Variants in CDK14 observed in about 807,000 individuals in gnomAD.
CDK14 encodes cyclin-dependent kinase 14.
Under a neutral mutation model 60.7 loss-of-function variants are expected in CDK14, and 34 were observed. The ratio of observed to expected loss-of-function variants is 0.56; its 90% confidence interval spans 0.43 to 0.75. The LOEUF (loss-of-function observed/expected upper bound fraction) is 0.75, where lower values mean the gene tolerates loss of function less well. Ranked by LOEUF, CDK14 falls within the 30% of genes least tolerant of loss-of-function variation. The pLI is 0.00. For missense variants in CDK14, 482 were observed against 564.1 expected, an observed-to-expected ratio of 0.85 and a Z score of 1.47; for synonymous variants, 197 against 203.7, an observed-to-expected ratio of 0.97 and a Z score of 0.28.
At chr7:90,686,702 A>G (rs1411903774) in intron 2 of CDK14, among the ~76,000 whole-genome samples, 1 of 152,184 alleles carries the variant, frequency 6.6e-6, no homozygotes, top group Non-Finnish European at 1.5e-5. Flanking sequence ...AAGATGAAAT[A>G]GGAGTATTTC....
At chr7:91,113,717 T>C (rs557481007) in intron 13 of CDK14, among the ~76,000 whole-genome samples, 2 of 152,180 alleles carry the variant, frequency 1.3e-5, no homozygotes, top group Non-Finnish European at 2.9e-5. Flanking sequence ...TAGACTTCTT[T>C]CATCCATCAT....
intron 14 of CDK14, among the ~76,000 whole-genome samples, chr7:91,154,797 G>T (rs1800935823): frequency 6.6e-6 from 1 of 152,178 alleles, no homozygotes; most frequent in African/African-American, 2.4e-5. Context: ...GAAATGATGA[G>T]AGCCTGGGTC....
chr7:91,187,611 G>A (rs1297665491), intron 14 of CDK14, among the ~76,000 whole-genome samples: 7 of 152,144 alleles, frequency 4.6e-5, no homozygotes, highest in South Asian at 2.1e-4. Flanking sequence ...AGACACACAC[G>A]AGGAGTGAGT....
chr7:90,898,516 C>T (rs1792405009), intron 6 of CDK14, among the ~76,000 whole-genome samples: 1 of 151,962 alleles, frequency 6.6e-6, no homozygotes, highest in South Asian at 2.1e-4. Context: ...TTAAATGTTT[C>T]AGTTTTATAA....
chr7:90,646,300 CTTTT>C (rs56994508), intron 2 of CDK14, among the ~76,000 whole-genome samples: 1 of 143,250 alleles, frequency 7.0e-6, no homozygotes, highest in Non-Finnish European at 1.5e-5. Context: ...GTATGAAGGA[CTTTT>C]TTTTTTTTTT....
intron 9 of CDK14, among the ~76,000 whole-genome samples, chr7:90,970,717 G>A (rs1170322400): frequency 6.6e-6 from 1 of 152,200 alleles, no homozygotes; most frequent in African/African-American, 2.4e-5. Flanking sequence ...ACAGTGGAGC[G>A]AAAGGTTTCC....
intron 6 of CDK14, among the ~76,000 whole-genome samples, chr7:90,876,154 G>T (rs1791553510): frequency 6.6e-6 from 1 of 152,130 alleles, no homozygotes; most frequent in African/African-American, 2.4e-5. Flanking sequence ...GAATTTCACT[G>T]TAGGTACTGA....
At chr7:91,077,647 C>T (rs891014325) in intron 11 of CDK14, among the ~76,000 whole-genome samples, 2 of 150,366 alleles carry the variant, frequency 1.3e-5, no homozygotes, top group Admixed American at 6.6e-5. Context: ...TATCCTGGAA[C>T]GTAAAGTAAA....
In CDK14 at chr7:90,676,346, G is replaced by C. The variant is rs548216649; in HGVS notation, c.124-50221G>C. ...TGGAAAATGGCCGGAAGGCTGTGAG[G>C]GAGCTGTAAGGGTGTCAAGGGAAGA... On this transcript the variant is annotated intron_variant, in intron 2 of 14. Transcript: ENST00000380050. 3.9e-5 allele frequency among the ~76,000 whole-genome samples: 6 copies of C among 152,190 alleles called. No individual in the cohort carries two copies. The East Asian group carries it at 1.2e-3, about 29-fold the overall frequency.
intron 1 of CDK14, among the ~76,000 whole-genome samples, chr7:90,598,704 A>ATGTTTTTTTTTTT (rs1799247345): frequency 1.1e-5 from 1 of 87,890 alleles, no homozygotes; most frequent in Non-Finnish European, 2.3e-5. Context: ...TTATCTAAGG[A>ATGTTTTTTTTTTT]TTTTTTTTTT....
chr7:90,894,033 C>A (rs1488148012), intron 6 of CDK14, among the ~76,000 whole-genome samples: 2 of 152,144 alleles, frequency 1.3e-5, no homozygotes, highest in Admixed American at 1.3e-4. Context: ...TGTATCATTC[C>A]TGTTTTTATT....
At chr7:90,908,325 C>T (rs560117101) in intron 7 of CDK14, among the ~76,000 whole-genome samples, 54 of 152,166 alleles carry the variant, frequency 3.5e-4, no homozygotes, top group African/African-American at 1.1e-3. Context: ...CAGGATCATC[C>T]GCTGATTTGT....
intron 10 of CDK14, among the ~76,000 whole-genome samples, chr7:90,987,647 A>G (rs536955228): frequency 4.3e-4 from 66 of 152,208 alleles, no homozygotes; most frequent in African/African-American, 1.5e-3. Context: ...TTATCACACA[A>G]GTAGACTCTC....
At chr7:90,897,318 G>A (rs923541409) in intron 6 of CDK14, among the ~76,000 whole-genome samples, 6 of 151,982 alleles carry the variant, frequency 3.9e-5, no homozygotes, top group Non-Finnish European at 7.4e-5. Context: ...TTGGGAAGCA[G>A]TATGAATTTG....
chr7:90,752,774 A>C (rs749767329), intron 4 of CDK14, among the ~76,000 whole-genome samples: 1 of 152,180 alleles, frequency 6.6e-6, no homozygotes, highest in African/African-American at 2.4e-5. Context: ...GGAAGAGAGA[A>C]GATCCAAGTT....
intron 3 of CDK14, among the ~76,000 whole-genome samples, chr7:90,731,451 A>G (rs981157819): frequency 6.6e-6 from 1 of 152,134 alleles, no homozygotes; most frequent in Non-Finnish European, 1.5e-5. Context: ...CATTTTCATG[A>G]TATTGATTCT....
chr7:91,083,351 G>A (rs1023034099), intron 12 of CDK14, among the ~76,000 whole-genome samples: 3 of 152,132 alleles, frequency 2.0e-5, no homozygotes, highest in Non-Finnish European at 2.9e-5. Flanking sequence ...CCACTGCCCA[G>A]CTCTATGGAT....
At chr7:90,886,225 C>A (rs1029659973) in intron 6 of CDK14, among the ~76,000 whole-genome samples, 1 of 152,088 alleles carries the variant, frequency 6.6e-6, no homozygotes, top group Non-Finnish European at 1.5e-5. Flanking sequence ...AAGGGTTGAG[C>A]ACAAGTATGT....
At chr7:91,102,335 TCAC>T (rs1799169038) in intron 12 of CDK14, among the ~76,000 whole-genome samples, 2 of 152,236 alleles carry the variant, frequency 1.3e-5, no homozygotes, top group African/African-American at 4.8e-5. Flanking sequence ...TAGTATCCCG[TCAC>T]CATATAAAAT....
Sources: gnomAD v4.1 joint callset for allele counts (sites outside exome capture counted in the v4.1 genomes callset) on GRCh38, gnomAD v4.1.1 for gene constraint, MANE v1.5 for transcripts, NCBI Gene and HGNC (gene_info 2026-07-23, HGNC 2026-07-21) for gene names.